Variants in POLQ observed in about 807,000 individuals in gnomAD.
POLQ encodes the protein DNA polymerase theta.
POLQ carries 233 observed loss-of-function variants against 259.2 expected under a neutral mutation model. That is an observed-to-expected ratio of 0.90 (90% confidence interval 0.81 to 1.00). POLQ has a LOEUF of 1.00. POLQ is among the 50% of genes least tolerant of loss of function. The pLI is 0.00. For synonymous variants in POLQ, 1,025 were observed against 1,048.8 expected, an observed-to-expected ratio of 0.98 and a Z score of 0.44; for missense variants, 2,871 against 3,051.6, an observed-to-expected ratio of 0.94 and a Z score of 1.39.
intron 19 of POLQ, among the ~76,000 whole-genome samples, chr3:121,477,368 T>C: frequency 1.3e-5 from 2 of 152,324 alleles, no homozygotes; most frequent in Non-Finnish European, 2.9e-5. Flanking sequence ...TTGTATAAAA[T>C]TATCTTTAGG....
chr3:121,521,927 A>C, intron 8 of POLQ, 76 bp downstream of exon 8: 1 of 1,018,782 alleles, frequency 9.8e-7, no homozygotes, highest in South Asian at 1.9e-5. Flanking sequence ...CAAGAAATAA[A>C]TGTACACAAA....
At chr3:121,517,481 G>A (rs959541604) in intron 9 of POLQ, among the ~76,000 whole-genome samples, 1 of 152,058 alleles carries the variant, frequency 6.6e-6, no homozygotes, top group Non-Finnish European at 1.5e-5. Flanking sequence ...ACTGAAAGCT[G>A]TTCCAATAGC....
intron 12 of POLQ, among the ~76,000 whole-genome samples, chr3:121,507,204 A>G (rs1404765902): frequency 6.6e-6 from 1 of 152,224 alleles, no homozygotes; most frequent in African/African-American, 2.4e-5. Context: ...CTTTTGAATC[A>G]CAGAAATGTT....
Position 121,489,950 on chromosome 3 carries a change from A to G in POLQ, c.2981T>C (p.Leu994Ser), listed in dbSNP as rs760342688. Reference protein sequence around the residue: ...SIFRARKRASLDINKEKPGAS... With the variant: ...SIFRARKRASSDINKEKPGAS... ...TCCTGGCTTCTCTTTATTTATATCT[A>G]AAGAGGCCCGTTTTCTTGCTCTGAA... The change falls in exon 16 of 30, where the codon TTA becomes TCA. Residue 994 changes from leucine to serine, a missense_variant. Physicochemically the swap from Leu to Ser is moderately radical, Grantham distance 145 (BLOSUM62 -2). Around this residue, in one of 3 missense-constraint regions of POLQ, gnomAD observed 2,080 missense variants for 2,126.0 expected, o/e 0.98. Coordinates refer to ENST00000264233, the MANE Select transcript of POLQ (RefSeq NM_199420.4). 6 of 1,579,930 alleles carry G rather than the reference A, an allele frequency of 3.8e-6. No individual in the cohort carries two copies. The highest frequency in any genetic ancestry group is 5.1e-6 in the Non-Finnish European group (6 of 1,170,768).
intron 12 of POLQ, among the ~76,000 whole-genome samples, chr3:121,502,533 A>G (rs1310933807): frequency 6.6e-6 from 1 of 152,220 alleles, no homozygotes; most frequent in Non-Finnish European, 1.5e-5. Context: ...TGTTGGGTCC[A>G]TAACATATAA....
intron 20 of POLQ, among the ~76,000 whole-genome samples, chr3:121,474,351 C>T (rs547133688): frequency 1.3e-5 from 2 of 152,186 alleles, no homozygotes; most frequent in East Asian, 1.9e-4. Context: ...TAGAGAGGGC[C>T]GGTAGCACCC....
chr3:121,509,522 C>A, intron 12 of POLQ, 39 bp downstream of exon 12: 1 of 1,542,452 alleles, frequency 6.5e-7, no homozygotes, highest in Non-Finnish European at 8.9e-7. Flanking sequence ...ATTTTTTTCT[C>A]CCTATTTTCA....
chr3:121,450,880 G>A (rs192765227), intron 25 of POLQ, among the ~76,000 whole-genome samples: 74 of 152,296 alleles, frequency 4.9e-4, no homozygotes, highest in African/African-American at 1.7e-3. Flanking sequence ...ATCCTGCAGA[G>A]TGTTTTCCAA....
chr3:121,498,817 C>T (rs2048144820), intron 12 of POLQ, 147 bp from the exon 13 acceptor site: 1 of 622,130 alleles, frequency 1.6e-6, no homozygotes. Flanking sequence ...GGAAAGATTG[C>T]TTGAACCCAA....
At chr3:121,473,516 A>C (rs1340774522) in intron 20 of POLQ, 29 bp from the exon 21 acceptor site, 2 of 1,582,238 alleles carry the variant, frequency 1.3e-6, no homozygotes, top group East Asian at 4.5e-5. Context: ...TCTTTAGTCA[A>C]GAATGAAACT....
At chr3:121,494,021 A>T (rs2048093477) in intron 14 of POLQ, 1 of 607,086 alleles carries the variant, frequency 1.6e-6, no homozygotes, top group South Asian at 2.0e-5. Context: ...AGAAGCCCTC[A>T]CCCTAATTCA....
chr3:121,510,245 T>C lies in POLQ; in HGVS notation c.1612-2A>G, dbSNP rs761603741. The C allele has an allele frequency of 4.4e-6, 7 of 1,602,670 alleles. No individual in the cohort carries two copies. In the South Asian group the frequency reaches 5.5e-5, roughly 13 times the overall value. ...ACTTGCCACTCCACCAACTATTATC[T>C]GAAAGAAGATATTTGGAAATTTCTG... On this transcript the variant is annotated splice_acceptor_variant, in intron 10 of 29. Coordinates refer to ENST00000264233, the MANE Select transcript of POLQ (RefSeq NM_199420.4). LOFTEE classifies it high-confidence loss of function.
At chr3:121,436,091 G>A (rs373583271) in intron 28 of POLQ, 31 bp downstream of exon 28, 30 of 1,535,862 alleles carry the variant, frequency 2.0e-5, no homozygotes, top group Admixed American at 3.5e-5. Flanking sequence ...TTCTCATCAT[G>A]TTACAGCACA....
intron 14 of POLQ, among the ~76,000 whole-genome samples, chr3:121,496,421 C>T (rs1447331004): frequency 6.6e-6 from 1 of 152,028 alleles, no homozygotes; most frequent in South Asian, 2.1e-4. Flanking sequence ...GTGATCCACC[C>T]GACTCGGCCT....
At chr3:121,545,658 C>A in intron 1 of POLQ, 57 bp downstream of exon 1, 1 of 1,485,034 alleles carries the variant, frequency 6.7e-7, no homozygotes, top group Non-Finnish European at 9.0e-7. Context: ...CACCTCCCGA[C>A]CCATGGCCCG....
chr3:121,474,744 T>C (rs565308148), intron 20 of POLQ, among the ~76,000 whole-genome samples: 57 of 152,346 alleles, frequency 3.7e-4, no homozygotes, highest in African/African-American at 1.3e-3. Context: ...CCAAGAACTA[T>C]GTTACACAGA....
At position 121,436,260 on chromosome 3, in the gene POLQ, T is replaced by C; in HGVS notation, c.7405A>G (p.Ile2469Val). 3 of 1,613,870 alleles carry C rather than the reference T, an allele frequency of 1.9e-6. No homozygotes were observed. Among genetic ancestry groups the C allele is most frequent in the Non-Finnish European group, 2.5e-6 (3 of 1,179,792 alleles). Reference protein sequence around the residue: ...YRKAHAERQAINTIVQGSAAD... With the variant: ...YRKAHAERQAVNTIVQGSAAD... ...GCTGATCCTTGGACTATTGTGTTGA[T>C]AGCTTGACGCTCAGCCTAGAAAAAA... The change falls in exon 28 of 30, where the codon ATC becomes GTC. Residue 2469 changes from isoleucine (I) to valine (V), a missense_variant. By Grantham distance (29) the Ile-to-Val change is conservative. Coordinates refer to ENST00000264233, the MANE Select transcript of POLQ (RefSeq NM_199420.4).
At chr3:121,445,333 A>G (rs2047623839) in intron 26 of POLQ, among the ~76,000 whole-genome samples, 1 of 152,034 alleles carries the variant, frequency 6.6e-6, no homozygotes, top group Non-Finnish European at 1.5e-5. Flanking sequence ...TTCAGGTTTT[A>G]GATTTCTTCA....
chr3:121,444,099 C>CT (rs566813892), intron 26 of POLQ, among the ~76,000 whole-genome samples: 50 of 146,418 alleles, frequency 3.4e-4, no homozygotes, highest in Middle Eastern at 3.5e-3. Flanking sequence ...AATTGTAGTA[C>CT]TTTTTTTTTT....
Sources: gnomAD v4.1 joint callset for allele counts (sites outside exome capture counted in the v4.1 genomes callset) on GRCh38, gnomAD v4.1.1 for gene constraint, gnomAD v4.1.1 regional missense constraint, MANE v1.5 for transcripts, NCBI Gene and HGNC (gene_info 2026-07-23, HGNC 2026-07-21) for gene names.